The following NAT1 variants were observed in gnomAD, a reference collection of about 807,000 sequenced individuals.
The protein encoded by NAT1 is arylamine N-acetyltransferase 1.
For missense variants in NAT1, 400 were observed against 339.2 expected (o/e 1.18, Z -1.41); for synonymous variants, 144 against 122.6 (o/e 1.17, Z -1.16).
intron 2 of NAT1, among the ~76,000 whole-genome samples, chr8:18,174,451 A>G (rs1340596000): frequency 6.6e-6 from 1 of 152,094 alleles, no homozygotes; most frequent in Non-Finnish European, 1.5e-5. Context: ...TTTTCTAGCT[A>G]CCTTCATAAA....
At chr8:18,215,412 T>C (rs1804549948) in intron 1 of NAT1, among the ~76,000 whole-genome samples, 1 of 152,254 alleles carries the variant, frequency 6.6e-6, no homozygotes. Context: ...TTCTGCCACA[T>C]AAGCAATGTG....
At chr8:18,215,753 G>A (rs893402940) in intron 1 of NAT1, among the ~76,000 whole-genome samples, 2 of 151,920 alleles carry the variant, frequency 1.3e-5, no homozygotes, top group Non-Finnish European at 2.9e-5. Context: ...TCATTTTCAT[G>A]TATGTATAGC....
chr8:18,185,499 C>G (rs1802697376), intron 2 of NAT1, among the ~76,000 whole-genome samples: 1 of 152,052 alleles, frequency 6.6e-6, no homozygotes, highest in Non-Finnish European at 1.5e-5. Context: ...ACAATATTCC[C>G]CTTTTCAATC....
chr8:18,218,032 A>G (rs1215286450), intron 1 of NAT1, among the ~76,000 whole-genome samples: 1 of 152,144 alleles, frequency 6.6e-6, no homozygotes, highest in African/African-American at 2.4e-5. Flanking sequence ...AAGTGGGAGG[A>G]GACATCCTTG....
intron 2 of NAT1, among the ~76,000 whole-genome samples, chr8:18,186,614 T>C (rs533001912): frequency 4.8e-4 from 73 of 152,316 alleles, no homozygotes; most frequent in Non-Finnish European, 7.6e-4. Flanking sequence ...ATTTTTATTT[T>C]CCCATATGTA....
intron 2 of NAT1, among the ~76,000 whole-genome samples, chr8:18,192,550 T>C (rs192693736): frequency 2.6e-4 from 39 of 152,318 alleles, no homozygotes; most frequent in Middle Eastern, 3.4e-3. Flanking sequence ...CCTATGTTTA[T>C]TGCGGCACTA....
At chr8:18,196,504 G>A (rs1589079639) in intron 2 of NAT1, among the ~76,000 whole-genome samples, 2 of 152,172 alleles carry the variant, frequency 1.3e-5, no homozygotes, top group Non-Finnish European at 2.9e-5. Flanking sequence ...TACAAAAAGA[G>A]ATGCTTTATA....
intron 2 of NAT1, among the ~76,000 whole-genome samples, chr8:18,198,415 A>G (rs1803323991): frequency 1.3e-5 from 2 of 152,182 alleles, no homozygotes; most frequent in African/African-American, 4.8e-5. Context: ...AGATTCTTAA[A>G]TCCCCTTCTA....
chr8:18,208,243 T>C (rs1327190000), upstream of NAT1, among the ~76,000 whole-genome samples: 3 of 151,678 alleles, frequency 2.0e-5, no homozygotes, highest in Non-Finnish European at 2.9e-5. Flanking sequence ...ACCTACGTAA[T>C]AAACCTGCAC....
At chr8:18,198,602 T>C (rs1034615483) in intron 2 of NAT1, among the ~76,000 whole-genome samples, 3 of 152,264 alleles carry the variant, frequency 2.0e-5, no homozygotes, top group African/African-American at 7.2e-5. Flanking sequence ...GCTCAGTGTA[T>C]AAAGGTTTTA....
Position 18,222,168 on chromosome 8 carries a change from A to G in NAT1, c.121A>G (p.Asn41Asp), listed in dbSNP as rs780275360. The G allele has an allele frequency of 1.2e-6, 2 of 1,614,158 alleles. No individual in the cohort carries two copies. Among genetic ancestry groups the G allele is most frequent in the Admixed American group, 1.7e-5 (1 of 60,020 alleles). ...CCGAGCTGTTCCCTTTGAGAACCTT[A>G]ACATCCATTGTGGGGATGCCATGGA... The part of the protein sequence containing the change: ...QIRAVPFENL[N>D]IHCGDAMDLG... The change falls in exon 3 of 3, where the codon AAC becomes GAC. Residue 41 changes from asparagine (N) to aspartate (D), a missense_variant. Physicochemically the swap from Asn to Asp is conservative, Grantham distance 23. Transcript: ENST00000307719.
intron 1 of NAT1, among the ~76,000 whole-genome samples, chr8:18,215,360 T>C (rs919788059): frequency 1.3e-5 from 2 of 152,238 alleles, no homozygotes; most frequent in African/African-American, 4.8e-5. Flanking sequence ...CTATCTTAAT[T>C]GCTTTATCAT....
At chr8:18,216,173 C>G (rs1328788830) in intron 1 of NAT1, among the ~76,000 whole-genome samples, 3 of 152,262 alleles carry the variant, frequency 2.0e-5, no homozygotes, top group African/African-American at 7.2e-5. Context: ...GCTGTGGTTT[C>G]AGCCAGTTGG....
intron 2 of NAT1, among the ~76,000 whole-genome samples, chr8:18,186,238 T>C (rs548641737): frequency 8.3e-4 from 126 of 152,322 alleles, no homozygotes; most frequent in African/African-American, 3.0e-3. Context: ...TAGGTTTGTC[T>C]ACTTCTTCCC....
chr8:18,203,657 T>C (rs1162602217), intron 2 of NAT1, among the ~76,000 whole-genome samples: 1 of 152,236 alleles, frequency 6.6e-6, no homozygotes, highest in Non-Finnish European at 1.5e-5. Flanking sequence ...CTCACAGCTC[T>C]GTCCTCCATT....
chr8:18,186,039 T>G (rs1275055131), intron 2 of NAT1, among the ~76,000 whole-genome samples: 1 of 152,192 alleles, frequency 6.6e-6, no homozygotes, highest in African/African-American at 2.4e-5. Context: ...CCTTTGGAAC[T>G]GGTTAACACT....
chr8:18,201,420 G>A (rs548948907), intron 2 of NAT1, among the ~76,000 whole-genome samples: 6 of 152,138 alleles, frequency 3.9e-5, no homozygotes, highest in Non-Finnish European at 8.8e-5. Flanking sequence ...CAGGCATCCA[G>A]GACAGTGATC....
chr8:18,204,612 A>G (rs1475880976), intron 2 of NAT1, among the ~76,000 whole-genome samples: 1 of 152,230 alleles, frequency 6.6e-6, no homozygotes, highest in Non-Finnish European at 1.5e-5. Flanking sequence ...TTGAGGAAAC[A>G]TCTTTCTAAA....
At chr8:18,203,592 T>C (rs749707817) in intron 2 of NAT1, among the ~76,000 whole-genome samples, 6 of 152,124 alleles carry the variant, frequency 3.9e-5, no homozygotes, top group Non-Finnish European at 7.3e-5. Flanking sequence ...ATTTGTGGAG[T>C]TCTCACTGGC....
Sources: gnomAD v4.1 joint callset for allele counts (sites outside exome capture counted in the v4.1 genomes callset) on GRCh38, gnomAD v4.1.1 for gene constraint, MANE v1.5 for transcripts, NCBI Gene and HGNC (gene_info 2026-07-23, HGNC 2026-07-21) for gene names.